Variants in UCHL5 observed in about 807,000 individuals in gnomAD.
UCHL5 encodes ubiquitin C-terminal hydrolase L5, also known as ubiquitin carboxyl-terminal hydrolase isozyme L5.
Under a neutral mutation model 53.8 loss-of-function variants are expected in UCHL5, and 34 were observed. The observed-to-expected ratio is 0.63, with a 90% CI of 0.48 to 0.84. The LOEUF (loss-of-function observed/expected upper bound fraction) is 0.84. Ranked by LOEUF, UCHL5 falls within the 40% of genes least tolerant of loss-of-function variation. The pLI is 0.00. For missense variants in UCHL5, 290 were observed against 385.6 expected (o/e 0.75, Z 2.08); for synonymous variants, 111 against 126.3 (o/e 0.88, Z 0.81).
intron 3 of UCHL5, among the ~76,000 whole-genome samples, chr1:193,042,093 G>A (rs1435964989): frequency 6.6e-6 from 1 of 150,778 alleles, no homozygotes; most frequent in African/African-American, 2.4e-5. Flanking sequence ...GTGACAGAGC[G>A]AGATCCTGTC....
chr1:193,057,946 C>A (rs1571991394), intron 1 of UCHL5, among the ~76,000 whole-genome samples: 2 of 152,172 alleles, frequency 1.3e-5, no homozygotes, highest in Admixed American at 6.5e-5. Flanking sequence ...TTTCCCAATC[C>A]TTGGGTGGGC....
At chr1:193,054,285 T>C (rs1352166788) in intron 1 of UCHL5, among the ~76,000 whole-genome samples, 1 of 152,232 alleles carries the variant, frequency 6.6e-6, no homozygotes, top group Non-Finnish European at 1.5e-5. Context: ...GTTGTCAGTG[T>C]GTTAAATTTA....
At chr1:193,022,244 A>C (rs751850635) in intron 9 of UCHL5, among the ~76,000 whole-genome samples, 3 of 152,162 alleles carry the variant, frequency 2.0e-5, no homozygotes, top group Non-Finnish European at 2.9e-5. Context: ...TTGTCTGTTA[A>C]GTATGATGCA....
chr1:193,055,406 C>T (rs1312167463), intron 1 of UCHL5, among the ~76,000 whole-genome samples: 1 of 152,178 alleles, frequency 6.6e-6, no homozygotes, highest in Non-Finnish European at 1.5e-5. Context: ...GCAGCATCCA[C>T]CAGAGCCCAC....
intron 3 of UCHL5, among the ~76,000 whole-genome samples, chr1:193,039,995 T>G (rs1664978549): frequency 6.6e-6 from 1 of 151,990 alleles, no homozygotes; most frequent in African/African-American, 2.4e-5. Context: ...AAAAATCAAA[T>G]CAAAATGGAT....
chr1:193,026,487 C>T (rs1404251066), intron 7 of UCHL5, among the ~76,000 whole-genome samples: 1 of 151,982 alleles, frequency 6.6e-6, no homozygotes, highest in African/African-American at 2.4e-5. Context: ...GCTAAAGGCA[C>T]GAAAAGATTT....
intron 1 of UCHL5, among the ~76,000 whole-genome samples, chr1:193,054,059 G>A (rs1415946397): frequency 6.7e-6 from 1 of 148,934 alleles, no homozygotes; most frequent in East Asian, 1.9e-4. Context: ...AAATGAACTA[G>A]GTCTTTTAAA....
chr1:193,026,939 C>T (rs1448146673), intron 7 of UCHL5, among the ~76,000 whole-genome samples: 1 of 152,124 alleles, frequency 6.6e-6, no homozygotes, highest in African/African-American at 2.4e-5. Context: ...TACTGATACA[C>T]TTAAAAACTT....
At chr1:193,016,456 T>A in intron 10 of UCHL5, 61 bp from the exon 11 acceptor site, 1 of 1,487,234 alleles carries the variant, frequency 6.7e-7, no homozygotes, top group Non-Finnish European at 9.2e-7. Flanking sequence ...TATATTAGAA[T>A]AAAATGTGCC....
intron 1 of UCHL5, among the ~76,000 whole-genome samples, chr1:193,053,995 G>C (rs960391934): frequency 1.4e-5 from 2 of 144,140 alleles, no homozygotes; most frequent in African/African-American, 5.2e-5. Flanking sequence ...GGAGGTAAGA[G>C]AGATCATTAC....
chr1:193,028,022 T>C (rs935612688), intron 7 of UCHL5, 63 bp downstream of exon 7: 12 of 1,578,714 alleles, frequency 7.6e-6, no homozygotes, highest in Middle Eastern at 1.7e-4. Context: ...AACAATAAAA[T>C]ACAAGTTTAA....
chr1:193,060,064 C>G, upstream of UCHL5: 1 of 1,317,470 alleles, frequency 7.6e-7, no homozygotes, highest in Non-Finnish European at 1.0e-6. Context: ...CCCCACAGGC[C>G]GACGTCGAGA....
intron 10 of UCHL5, 76 bp from the exon 11 acceptor site, chr1:193,016,471 AG>A: frequency 7.3e-7 from 1 of 1,361,814 alleles, no homozygotes; most frequent in Admixed American, 2.3e-5. Flanking sequence ...TGTGCCTAAG[AG>A]GGTATTCTCA....
intron 1 of UCHL5, chr1:193,057,188 T>A (rs1393465807): frequency 1.3e-5 from 2 of 152,262 alleles, no homozygotes; most frequent in East Asian, 1.9e-4. Context: ...TGTAAGAGTG[T>A]TTCACCAGCC....
chr1:193,034,039 C>T (rs552606546), intron 3 of UCHL5, among the ~76,000 whole-genome samples: 1 of 152,064 alleles, frequency 6.6e-6, no homozygotes, highest in African/African-American at 2.4e-5. Flanking sequence ...TAGGAGTTTA[C>T]CCAAAGAGTA....
rs976886082 is a variant in UCHL5, at chr1:193,016,544, A to T, written c.943-149T>A. 2.8e-5 allele frequency: 19 copies of T among 668,044 alleles called. No homozygotes were observed. The East Asian group carries it at 5.6e-4, about 20-fold the overall frequency. The allele number at this position is 668,044 out of a possible 1,614,324, so 41.4% of individuals were successfully genotyped here. A position where few individuals can be genotyped will look rare whatever the true frequency, so the allele number is the denominator to read the frequency against. ...CTAAAGCATTATGTTTTATAACTTG[A>T]GACTTATAACAAACTTTTCCTGGAC... On this transcript the variant is annotated intron_variant, in intron 10 of 10. Coordinates refer to ENST00000367454, the MANE Select transcript of UCHL5 (RefSeq NM_001199261.3).
intron 10 of UCHL5, among the ~76,000 whole-genome samples, chr1:193,016,679 A>T (rs1197655650): frequency 6.6e-6 from 1 of 151,900 alleles, no homozygotes; most frequent in African/African-American, 2.4e-5. Flanking sequence ...AAAATTCCAT[A>T]AAGTCAAACT....
At chr1:193,059,762 G>T, upstream of UCHL5, 1 of 1,356,028 alleles carries the variant, frequency 7.4e-7, no homozygotes, top group Non-Finnish European at 9.8e-7. This position sits in a 1 kb window ranked among gnomAD's most constrained non-coding sequence, Gnocchi z 4.9. Context: ...CCAGGGGGTC[G>T]GCTGCCAGGT....
At chr1:193,024,250 A>G (rs967170754) in intron 7 of UCHL5, among the ~76,000 whole-genome samples, 2 of 151,872 alleles carry the variant, frequency 1.3e-5, no homozygotes, top group African/African-American at 4.8e-5. Context: ...TCTTAAAAAA[A>G]AAAACAAAAA....
Sources: gnomAD v4.1 joint callset for allele counts (sites outside exome capture counted in the v4.1 genomes callset) on GRCh38, gnomAD v4.1.1 for gene constraint, Gnocchi (gnomAD v3.1) non-coding constraint, MANE v1.5 for transcripts, NCBI Gene and HGNC (gene_info 2026-07-23, HGNC 2026-07-21) for gene names.